SDK2: variants seen among roughly 807,000 people sequenced by gnomAD.
SDK2 encodes the protein protein sidekick-2.
Under a neutral mutation model 253.9 loss-of-function variants are expected in SDK2, and 105 were observed. The ratio of observed to expected loss-of-function variants is 0.41; its 90% confidence interval spans 0.35 to 0.49. SDK2 has a LOEUF of 0.49. SDK2 is among the 20% of genes least tolerant of loss of function. The probability of loss-of-function intolerance (pLI) is 0.06; values close to 1 mark genes in which losing one functional copy is unlikely to be tolerated. For synonymous variants in SDK2, 1,249 were observed against 1,234.9 expected, an observed-to-expected ratio of 1.01 and a Z score of -0.24; for missense variants, 2,608 against 3,003.0, an observed-to-expected ratio of 0.87 and a Z score of 3.07.
intron 1 of SDK2, among the ~76,000 whole-genome samples, chr17:73,590,857 C>T (rs528185477): frequency 1.1e-4 from 16 of 152,288 alleles, no homozygotes; most frequent in South Asian, 2.1e-4. Flanking sequence ...CTGCCACCAC[C>T]GGACTGTAGG....
At position 73,435,535 on chromosome 17, in the gene SDK2, C is replaced by T. The variant is rs772683097; in HGVS notation, c.1110G>A (p.Leu370=). ...GGAACATGCCGGTATCATCGGGCAC[C>T]AGGCCGCTGATCTGCAGGCCCCCGT... ...RNDGGLQISG[L]VPDDTGMFQC... The change falls in exon 9 of 45, where the codon CTG becomes CTA. Residue 370 remains leucine, a synonymous_variant. Coordinates refer to ENST00000392650, the MANE Select transcript of SDK2 (RefSeq NM_001144952.2). This position sits in a 1 kb window ranked among gnomAD's most constrained non-coding sequence, Gnocchi z 5.7. 6.3e-7 allele frequency: 1 copy of T among 1,598,024 alleles called. No individual in the cohort carries two copies. Among genetic ancestry groups the T allele is most frequent in the East Asian group, 2.3e-5 (1 of 43,918 alleles).
chr17:73,518,048 A>C (rs1483648), intron 1 of SDK2: 67,183 of 151,580 alleles, frequency 0.44, 15,733 homozygotes, highest in African/African-American at 0.61. Flanking sequence ...GGGCTCCCTC[A>C]TCTTCCTAGC....
chr17:73,398,284 G>A lies in SDK2; in HGVS notation c.3203+36C>T, dbSNP rs1207050665. On this transcript the variant is annotated intron_variant, in intron 23 of 44. Transcript: ENST00000392650. ...ATAGCCCCCACCCACCCCCAGCCCT[G>A]AGGCTGCTGCCTTCTCCCCGGGCCA... The A allele has an allele frequency of 8.1e-6, 13 of 1,608,126 alleles. No individual in the cohort carries two copies. In the African/African-American group the frequency reaches 9.4e-5, roughly 12 times the overall value.
chr17:73,635,014 C>T (rs1041186923), intron 1 of SDK2, among the ~76,000 whole-genome samples: 3 of 151,336 alleles, frequency 2.0e-5, no homozygotes, highest in Admixed American at 6.6e-5. Context: ...GAGACAGAGT[C>T]TCACTCTGTA....
chr17:73,376,862 T>C (rs145916000), intron 36 of SDK2, among the ~76,000 whole-genome samples: 1 of 152,324 alleles, frequency 6.6e-6, no homozygotes, highest in East Asian at 1.9e-4. Context: ...ATGCCTTTCC[T>C]CCTTCCTTCC....
At chr17:73,636,004 C>G (rs1001976893) in intron 1 of SDK2, among the ~76,000 whole-genome samples, 21 of 152,132 alleles carry the variant, frequency 1.4e-4, no homozygotes, top group African/African-American at 4.8e-4. Flanking sequence ...TCCAAGGCCT[C>G]TTTCCAAACT....
At chr17:73,456,739 C>G (rs1271502019) in intron 3 of SDK2, among the ~76,000 whole-genome samples, 1 of 152,220 alleles carries the variant, frequency 6.6e-6, no homozygotes, top group African/African-American at 2.4e-5. Context: ...CTGGCTCTGC[C>G]TGCCAGGAGG....
Position 73,361,207 on chromosome 17 carries a change from C to G in SDK2, c.5467+477G>C, listed in dbSNP as rs2279731. ...CCTCAGCCCCAGGAAATCAACCCCTCGGAGCATCCACCCTGGGAACGTGCA... is the reference window on the plus strand; with the variant it reads ...CCTCAGCCCCAGGAAATCAACCCCTGGGAGCATCCACCCTGGGAACGTGCA... On this transcript the variant is annotated intron_variant, in intron 39 of 44. Coordinates refer to ENST00000392650, the MANE Select transcript of SDK2 (RefSeq NM_001144952.2). This position sits in a 1 kb window ranked among gnomAD's most constrained non-coding sequence, Gnocchi z 4.1. Among the ~76,000 whole-genome samples, 46,471 of 151,918 alleles carry G rather than the reference C, an allele frequency of 0.31. 7,264 individuals are homozygous for G. The highest frequency in any genetic ancestry group is 0.4 in the Middle Eastern group (118 of 294).
chr17:73,338,771 T>C lies in SDK2; in HGVS notation c.6335A>G (p.His2112Arg). ...GCTGGTGCTGTTGGTGACGGTGGTG[T>C]GGTCTGGCTCACCCGAGTCGCTCTC... is the stretch of plus-strand genomic sequence containing the variant. The part of the protein sequence containing the change: ...YTESDSGEPD[H>R]TTVTNSTSTQ... Residue 2112 changes from histidine to arginine, a missense_variant, in exon 45 of 45, where the codon CAC (histidine) becomes CGC (arginine). By Grantham distance (29) the His-to-Arg change is conservative. Around this residue, in one of 2 missense-constraint regions of SDK2, gnomAD observed 1,103 missense variants for 1,143.9 expected, o/e 0.96. Transcript: ENST00000392650. The surrounding 1 kb of genome is among the most constrained non-coding windows in gnomAD (Gnocchi z 5.0). The C allele has an allele frequency of 6.2e-7, 1 of 1,613,738 alleles. No individual in the cohort carries two copies. Among genetic ancestry groups the C allele is most frequent in the Middle Eastern group, 1.6e-4 (1 of 6,062 alleles).
chr17:73,493,964 C>A (rs2063824619), intron 2 of SDK2, among the ~76,000 whole-genome samples: 1 of 152,166 alleles, frequency 6.6e-6, no homozygotes, highest in Non-Finnish European at 1.5e-5. Context: ...AACAAGGACA[C>A]CGAGGGAACT....
At chr17:73,574,415 G>GAATGCA (rs2045429424) in intron 1 of SDK2, among the ~76,000 whole-genome samples, 1 of 152,206 alleles carries the variant, frequency 6.6e-6, no homozygotes, top group African/African-American at 2.4e-5. Flanking sequence ...GACATCACGT[G>GAATGCA]CATGCACATG....
rs1568389265 is a variant in SDK2, at chr17:73,412,037, T to TACACAC, written c.2484+2606_2484+2607insGTGTGT. 9.2e-4 allele frequency among the ~76,000 whole-genome samples: 4 copies of TACACAC among 4,366 alleles called. No homozygotes were observed. In the South Asian group the frequency reaches 0.022, roughly 24 times the overall value. The allele number at this position is 4,366 out of a possible 152,430, so 2.9% of individuals were successfully genotyped here. On this transcript the variant is annotated intron_variant, in intron 18 of 44. Coordinates refer to ENST00000392650, the MANE Select transcript of SDK2 (RefSeq NM_001144952.2). ...AGATATACGTATATGTATATATACGTATATATATGTATATACGTATATGTA... is the reference window on the plus strand; with the variant it reads ...AGATATACGTATATGTATATATACGTACACACATATATATGTATATACGTATATGTA...
intron 10 of SDK2, among the ~76,000 whole-genome samples, chr17:73,432,028 G>A (rs1390146010): frequency 6.6e-6 from 1 of 152,156 alleles, no homozygotes; most frequent in East Asian, 1.9e-4. Flanking sequence ...CCCGGGTTGG[G>A]GGAGCTGGCG....
At position 73,387,717 on chromosome 17, in the gene SDK2, G is replaced by A. The variant is rs970899031; in HGVS notation, c.4394+119C>T. On this transcript the variant is annotated intron_variant, in intron 30 of 44. Coordinates refer to ENST00000392650, the MANE Select transcript of SDK2 (RefSeq NM_001144952.2). The stretch of plus-strand genomic sequence containing the variant: ...GGGGCCGCCTGGGTGGTGCATGTAG[G>A]AGGAGAGCTGGGGGCAGGCTGGAGG... 4.5e-6 allele frequency: 4 copies of A among 887,686 alleles called. No homozygotes were observed. In the South Asian group the frequency reaches 7.1e-5, roughly 16 times the overall value. The allele number at this position is 887,686 out of a possible 1,614,324, so 55.0% of individuals were successfully genotyped here.
chr17:73,590,095 G>A (rs1191519870), intron 1 of SDK2, among the ~76,000 whole-genome samples: 1 of 152,218 alleles, frequency 6.6e-6, no homozygotes. Flanking sequence ...ACACGGAATC[G>A]AAGTCTGGGC....
At chr17:73,484,538 T>C (rs1321677962) in intron 2 of SDK2, among the ~76,000 whole-genome samples, 1 of 152,222 alleles carries the variant, frequency 6.6e-6, no homozygotes, top group Non-Finnish European at 1.5e-5. Context: ...AGCAGGACAC[T>C]GGGGCATCCA....
At chr17:73,407,438 T>C (rs1444831584) in intron 18 of SDK2, among the ~76,000 whole-genome samples, 10 of 152,108 alleles carry the variant, frequency 6.6e-5, no homozygotes, top group Non-Finnish European at 1.3e-4. Context: ...GATTGAAACA[T>C]GTCAGATTTG....
chr17:73,488,517 T>C (rs979336961), intron 2 of SDK2, among the ~76,000 whole-genome samples: 4 of 152,114 alleles, frequency 2.6e-5, no homozygotes, highest in Non-Finnish European at 5.9e-5. Flanking sequence ...GGATGCACAG[T>C]TGTGCACAAA....
In SDK2 at chr17:73,616,001, G is replaced by C. The variant is rs567092648; in HGVS notation, c.64+28024C>G. On this transcript the variant is annotated intron_variant, in intron 1 of 44. Coordinates refer to ENST00000392650, the MANE Select transcript of SDK2 (RefSeq NM_001144952.2). The surrounding 1 kb of genome is among the most constrained non-coding windows in gnomAD (Gnocchi z 5.2). ...ACACAACCCAAATACACGTACACAC[G>C]CATGCATGTAGACACATATGCATAT... 2.6e-5 allele frequency among the ~76,000 whole-genome samples: 4 copies of C among 151,854 alleles called. 1 individual carries two copies. In the South Asian group the frequency reaches 8.3e-4, roughly 32 times the overall value.
Sources: allele counts gnomAD v4.1 joint callset (sites outside exome capture counted in the v4.1 genomes callset), GRCh38; gene constraint gnomAD v4.1.1; regional missense constraint gnomAD v4.1.1; non-coding constraint Gnocchi (gnomAD v3.1); transcripts MANE v1.5; gene names NCBI Gene and HGNC (gene_info 2026-07-23, HGNC 2026-07-21).